The following KCNG2 variants were observed in gnomAD, a reference collection of about 807,000 sequenced individuals.
KCNG2 encodes the protein potassium voltage-gated channel modifier subfamily G member 2, also known as voltage-gated potassium channel regulatory subunit KCNG2.
KCNG2 carries 7 observed loss-of-function variants against 12.3 expected under a neutral mutation model. That is an observed-to-expected ratio of 0.57 (90% CI 0.32 to 1.07). The LOEUF (loss-of-function observed/expected upper bound fraction) is 1.07. Among genes scored for constraint, KCNG2 ranks in the 50% least tolerant of loss-of-function variants. KCNG2 has a pLI of 0.04. For synonymous variants in KCNG2, 414 were observed against 351.4 expected (o/e 1.18, Z -1.99); for missense variants, 703 against 726.0 (o/e 0.97, Z 0.36).
intron 1 of KCNG2, among the ~76,000 whole-genome samples, chr18:79,846,246 G>A (rs1380097082): frequency 3.5e-5 from 5 of 142,314 alleles, no homozygotes; most frequent in East Asian, 2.1e-4. Flanking sequence ...GGTGGCGGGC[G>A]CCTGTAGTCC....
intron 3 of KCNG2, among the ~76,000 whole-genome samples, chr18:79,879,584 A>T (rs767899395): frequency 2.0e-5 from 3 of 152,210 alleles, no homozygotes; most frequent in Non-Finnish European, 2.9e-5. Context: ...TTAGGAAAGA[A>T]GATACCACTC....
At chr18:79,876,210 C>T (rs1980064154) in intron 3 of KCNG2, 1 of 152,386 alleles carries the variant, frequency 6.6e-6, no homozygotes, top group African/African-American at 2.4e-5. Flanking sequence ...CTGAAACCCA[C>T]AGACAGGTCC....
intron 1 of KCNG2, among the ~76,000 whole-genome samples, chr18:79,812,816 G>T (rs145481316): frequency 1.3e-5 from 2 of 151,748 alleles, no homozygotes; most frequent in Non-Finnish European, 2.9e-5. Context: ...AGCCGAGATC[G>T]CACCACTGTA....
At chr18:79,798,192 CCT>C (rs2087377670) in intron 1 of KCNG2, among the ~76,000 whole-genome samples, 178 bp downstream of exon 1, 1 of 147,544 alleles carries the variant, frequency 6.8e-6, no homozygotes, top group African/African-American at 2.5e-5. Flanking sequence ...TTGGAATCCC[CCT>C]GTTCGGGCCA....
intron 3 of KCNG2, among the ~76,000 whole-genome samples, chr18:79,864,954 T>C (rs1483143829): frequency 7.2e-6 from 1 of 139,588 alleles, no homozygotes; most frequent in East Asian, 2.2e-4. Flanking sequence ...GGTGCTGAGT[T>C]CTGTGTGCGG....
chr18:79,855,861 T>C (rs893347548), intron 1 of KCNG2, among the ~76,000 whole-genome samples: 1 of 152,182 alleles, frequency 6.6e-6, no homozygotes, highest in Admixed American at 6.5e-5. Context: ...AAGATGCTTA[T>C]TTTTGCTCTT....
Position 79,899,728 on chromosome 18 carries a change from C to A in KCNG2, c.1313C>A (p.Thr438Lys). The A allele has an allele frequency of 2.5e-6, 4 of 1,600,902 alleles. No homozygotes were observed. The highest frequency in any genetic ancestry group is 3.3e-4 in the Middle Eastern group (2 of 6,024). Residue 438 changes from threonine to lysine, a missense_variant, in exon 4 of 4, where the codon ACA (threonine) becomes AAA (lysine). By Grantham distance (78) the Thr-to-Lys change is moderately conservative (BLOSUM62 -1). Transcript: ENST00000316249. ...CAGGAGGACAGCACGCACTCGGCCA[C>A]AGCCACCGAGGACAGCTCGCAGGGC... The part of the protein sequence containing the change: ...ALQEDSTHSA[T>K]ATEDSSQGPD...
chr18:79,825,033 G>A (rs907145061), intron 1 of KCNG2, among the ~76,000 whole-genome samples: 1 of 152,104 alleles, frequency 6.6e-6, no homozygotes, highest in Non-Finnish European at 1.5e-5. Flanking sequence ...AGAGCATGGA[G>A]ACTATCTAGG....
intron 3 of KCNG2, among the ~76,000 whole-genome samples, chr18:79,867,652 G>A (rs1177781750): frequency 6.6e-6 from 1 of 152,042 alleles, no homozygotes; most frequent in Non-Finnish European, 1.5e-5. Context: ...GCCAGAGGGT[G>A]ACATTCACGG....
Position 79,803,583 on chromosome 18 carries a change from G to A in KCNG2, c.-115+5569G>A, listed in dbSNP as rs906187579. ...GGGGGCCTGTGATTCTGGGGGCTCC[G>A]ATCGTGTTTCTTCCCTGAGAACCTG... On this transcript the variant is annotated intron_variant, in intron 1 of 3. Transcript: ENST00000316249. The surrounding 1 kb of genome is among the most constrained non-coding windows in gnomAD (Gnocchi z 4.5). 2.0e-5 allele frequency among the ~76,000 whole-genome samples: 3 copies of A among 152,202 alleles called. No individual in the cohort carries two copies. The highest frequency in any genetic ancestry group is 4.4e-5 in the Non-Finnish European group (3 of 68,030).
At chr18:79,854,099 G>A (rs1978922181) in intron 1 of KCNG2, among the ~76,000 whole-genome samples, 1 of 152,272 alleles carries the variant, frequency 6.6e-6, no homozygotes, top group African/African-American at 2.4e-5. Flanking sequence ...ACCTACAACT[G>A]TTTCCTGGTC....
intron 3 of KCNG2, among the ~76,000 whole-genome samples, chr18:79,883,729 A>G (rs745360544): frequency 8.5e-5 from 13 of 152,178 alleles, no homozygotes; most frequent in Non-Finnish European, 1.8e-4. Flanking sequence ...ATGTGCTTAT[A>G]TGTCTTAGAA....
chr18:79,846,559 A>G (rs1978637734), intron 1 of KCNG2, among the ~76,000 whole-genome samples: 1 of 152,170 alleles, frequency 6.6e-6, no homozygotes, highest in African/African-American at 2.4e-5. Context: ...CCTGAGTCAT[A>G]TTTTATTCAA....
intron 1 of KCNG2, among the ~76,000 whole-genome samples, chr18:79,801,023 A>G (rs1301315112): frequency 6.6e-6 from 1 of 152,208 alleles, no homozygotes. Flanking sequence ...ACTATCAGAC[A>G]GCCTCCCTCT....
At position 79,822,952 on chromosome 18, in the gene KCNG2, G is replaced by T. The variant is rs949577767; in HGVS notation, c.-115+24938G>T. 2.0e-5 allele frequency among the ~76,000 whole-genome samples: 3 copies of T among 152,240 alleles called. No homozygotes were observed. Among genetic ancestry groups the T allele is most frequent in the Non-Finnish European group, 2.9e-5 (2 of 68,042 alleles). ...GTGGCTCACTTGTGGCATGTGAAGA[G>T]CGTGTGGAGCACCCCAAGGCTTTAG... On this transcript the variant is annotated intron_variant, in intron 1 of 3. Coordinates refer to ENST00000316249, the MANE Select transcript of KCNG2 (RefSeq NM_012283.2). The surrounding 1 kb of genome is among the most constrained non-coding windows in gnomAD (Gnocchi z 4.4).
At chr18:79,839,044 C>T (rs1568252072) in intron 1 of KCNG2, among the ~76,000 whole-genome samples, 1 of 152,130 alleles carries the variant, frequency 6.6e-6, no homozygotes, top group Non-Finnish European at 1.5e-5. Flanking sequence ...CACCTGTAAC[C>T]CCAGCACTTT....
intron 2 of KCNG2, among the ~76,000 whole-genome samples, chr18:79,862,985 C>T (rs894237311): frequency 2.6e-5 from 4 of 152,202 alleles, no homozygotes; most frequent in African/African-American, 9.7e-5. Flanking sequence ...GAAGACTCAG[C>T]TGTTCTTTCT....
At chr18:79,868,289 C>T (rs1439446661) in intron 3 of KCNG2, among the ~76,000 whole-genome samples, 1 of 152,184 alleles carries the variant, frequency 6.6e-6, no homozygotes, top group Non-Finnish European at 1.5e-5. Context: ...CCCTAAATTG[C>T]TTGTCCAGTT....
chr18:79,829,334 G>A (rs1237451636), intron 1 of KCNG2, among the ~76,000 whole-genome samples: 2 of 151,866 alleles, frequency 1.3e-5, no homozygotes, highest in East Asian at 3.9e-4. Context: ...GTCTGTGTGT[G>A]TCTTGTGTGT....
Sources: allele counts gnomAD v4.1 joint callset (sites outside exome capture counted in the v4.1 genomes callset), GRCh38; gene constraint gnomAD v4.1.1; non-coding constraint Gnocchi (gnomAD v3.1); transcripts MANE v1.5; gene names NCBI Gene and HGNC (gene_info 2026-07-23, HGNC 2026-07-21).